Variants in CDKN2B-AS1 observed in about 807,000 individuals in gnomAD.
CDKN2B-AS1 encodes the protein CDKN2B antisense RNA 1 (non-protein coding).
intron 4 of CDKN2B-AS1, among the ~76,000 whole-genome samples, chr9:22,074,448 A>C (rs898051768): frequency 2.6e-5 from 4 of 152,232 alleles, no homozygotes; most frequent in Non-Finnish European, 5.9e-5. Context: ...AGGGGGATGT[A>C]GGGAGTACTT....
chr9:22,050,886 G>A (rs1823318255), intron 3 of CDKN2B-AS1, among the ~76,000 whole-genome samples: 1 of 152,152 alleles, frequency 6.6e-6, no homozygotes, highest in African/African-American at 2.4e-5. Context: ...AGTGCTCAAG[G>A]AAGAGTCTGA....
rs1563945119 is a variant in CDKN2B-AS1, at chr9:22,047,508, A to G, written n.179+608A>G. On this transcript the variant is annotated intron_variant and non_coding_transcript_variant, in intron 2 of 4. Transcript: ENST00000650946. ...ACTTAGCACTTGTGATGAATTAGTC[A>G]AGCAAAAATTATGAAGCGAGTAATC... 2.0e-5 allele frequency among the ~76,000 whole-genome samples: 3 copies of G among 152,182 alleles called. No individual in the cohort carries two copies. In the South Asian group the frequency reaches 6.2e-4, roughly 31 times the overall value.
intron 1 of CDKN2B-AS1, among the ~76,000 whole-genome samples, chr9:22,042,247 G>A (rs753081351): frequency 1.3e-5 from 2 of 151,956 alleles, no homozygotes; most frequent in African/African-American, 4.8e-5. Context: ...TTGTTCATAC[G>A]TTTATTAACT....
At chr9:22,012,557 G>A in intron 1 of CDKN2B-AS1, 1 of 552,688 alleles carries the variant, frequency 1.8e-6, no homozygotes, top group South Asian at 1.5e-5. Context: ...CTTCCTCGGA[G>A]GGCAGCCTCC....
At chr9:22,070,286 G>A (rs1268924797) in intron 4 of CDKN2B-AS1, among the ~76,000 whole-genome samples, 3 of 152,132 alleles carry the variant, frequency 2.0e-5, no homozygotes, top group Non-Finnish European at 4.4e-5. Flanking sequence ...TTTATTGAAT[G>A]ACTGCTGTTT....
chr9:22,041,475 T>C (rs1329361620), intron 1 of CDKN2B-AS1, among the ~76,000 whole-genome samples: 1 of 152,116 alleles, frequency 6.6e-6, no homozygotes, highest in East Asian at 1.9e-4. Context: ...ATATCATATA[T>C]GCATAATAAC....
chr9:21,997,430 G>A lies in CDKN2B-AS1; in HGVS notation n.29+2269G>A, dbSNP rs575432212. 2.7e-5 allele frequency among the ~76,000 whole-genome samples: 4 copies of A among 150,118 alleles called. No homozygotes were observed. Among genetic ancestry groups the A allele is most frequent in the Non-Finnish European group, 4.4e-5 (3 of 67,556 alleles). On this transcript the variant is annotated intron_variant and non_coding_transcript_variant, in intron 1 of 4. Coordinates refer to ENST00000650946, the Ensembl canonical transcript of CDKN2B-AS1. This position sits in a 1 kb window ranked among gnomAD's most constrained non-coding sequence, Gnocchi z 4.8. ...TGTGTGTATACAATTTTATATATACGTACATTATATGTCTACACACACATA... is the reference window on the plus strand; with the variant it reads ...TGTGTGTATACAATTTTATATATACATACATTATATGTCTACACACACATA...
At position 21,997,858 on chromosome 9, in the gene CDKN2B-AS1, C is replaced by T. The variant is rs1025088776; in HGVS notation, n.29+2697C>T. On this transcript the variant is annotated intron_variant and non_coding_transcript_variant, in intron 1 of 4. Transcript: ENST00000650946. The surrounding 1 kb of genome is among the most constrained non-coding windows in gnomAD (Gnocchi z 4.8). ...TACCAAATTAACTGTCACATTATCC[C>T]GTCATGCCTGAGGGGTTCTCTGACC... is the stretch of plus-strand genomic sequence containing the variant. Among the ~76,000 whole-genome samples the T allele has an allele frequency of 6.6e-6, 1 of 152,054 alleles. No homozygotes were observed. Among genetic ancestry groups the T allele is most frequent in the South Asian group, 2.1e-4 (1 of 4,822 alleles).
rs371322460 is a variant in CDKN2B-AS1 at position 22,127,983 on chromosome 9, T to C, written n.1319T>C. ...CAACTGGTAAGCCCTGTGAGAATTA[T>C]TTAATCCTTCCATGTCTCATTCCGC... On this transcript the variant is annotated non_coding_transcript_exon_variant, in exon 5 of 5. Transcript: ENST00000650946. 7.0e-4 allele frequency among the ~76,000 whole-genome samples: 107 copies of C among 152,312 alleles called. 1 individual carries two copies. The highest frequency in any genetic ancestry group is 3.4e-3 in the Middle Eastern group (1 of 294).
intron 1 of CDKN2B-AS1, chr9:22,029,681 T>G (rs775339223): frequency 1.2e-4 from 56 of 467,302 alleles, no homozygotes; most frequent in Non-Finnish European, 2.1e-4. Flanking sequence ...AAATTTAATC[T>G]TTACATTATT....
intron 4 of CDKN2B-AS1, among the ~76,000 whole-genome samples, chr9:22,061,726 G>A (rs1823829064): frequency 1.3e-5 from 2 of 152,082 alleles, no homozygotes; most frequent in African/African-American, 4.8e-5. Context: ...AAGGTGTGTG[G>A]TAATGGTTAA....
intron 1 of CDKN2B-AS1, among the ~76,000 whole-genome samples, chr9:22,025,850 G>A (rs1334770027): frequency 6.6e-6 from 1 of 152,188 alleles, no homozygotes; most frequent in Admixed American, 6.5e-5. Context: ...CATTTTCATA[G>A]AGGAGTTGTG....
At chr9:22,068,336 A>C (rs1002245220) in intron 4 of CDKN2B-AS1, among the ~76,000 whole-genome samples, 6 of 152,210 alleles carry the variant, frequency 3.9e-5, no homozygotes, top group Admixed American at 6.5e-5. Context: ...GTGTTAGGGA[A>C]GGAAAGCTCA....
chr9:22,034,949 G>A (rs773435087), intron 1 of CDKN2B-AS1, among the ~76,000 whole-genome samples: 19 of 152,144 alleles, frequency 1.2e-4, no homozygotes, highest in Non-Finnish European at 1.2e-4. Flanking sequence ...TTCTAGTTGG[G>A]TAGTTTTAGG....
At chr9:22,065,174 G>A (rs191521089) in intron 4 of CDKN2B-AS1, among the ~76,000 whole-genome samples, 94 of 152,256 alleles carry the variant, frequency 6.2e-4, no homozygotes, top group Admixed American at 2.6e-3. Flanking sequence ...GAGTACCTCC[G>A]TCAGCACTTC....
At chr9:22,123,989 G>C (rs1826141876) in intron 4 of CDKN2B-AS1, among the ~76,000 whole-genome samples, 1 of 152,046 alleles carries the variant, frequency 6.6e-6, no homozygotes, top group Non-Finnish European at 1.5e-5. Flanking sequence ...AATAAATATT[G>C]TATTAGTTCT....
intron 4 of CDKN2B-AS1, among the ~76,000 whole-genome samples, chr9:22,070,729 C>G (rs774110780): frequency 6.6e-6 from 1 of 152,186 alleles, no homozygotes; most frequent in Non-Finnish European, 1.5e-5. Context: ...AGTAGTGTAA[C>G]AAATGCCTGC....
At chr9:22,061,152 A>G (rs950953303) in intron 4 of CDKN2B-AS1, among the ~76,000 whole-genome samples, 2 of 152,210 alleles carry the variant, frequency 1.3e-5, no homozygotes, top group Non-Finnish European at 2.9e-5. Flanking sequence ...CACCAAGCCA[A>G]CATTGGGGGA....
chr9:22,073,399 G>T (rs1369913666), intron 4 of CDKN2B-AS1, among the ~76,000 whole-genome samples: 1 of 152,136 alleles, frequency 6.6e-6, no homozygotes, highest in Non-Finnish European at 1.5e-5. Context: ...TGGGAAGTAT[G>T]CAAAATTAGC....
Sources: allele counts gnomAD v4.1 joint callset (sites outside exome capture counted in the v4.1 genomes callset), GRCh38; gene constraint gnomAD v4.1.1; non-coding constraint Gnocchi (gnomAD v3.1); transcripts MANE v1.5; gene names NCBI Gene and HGNC (gene_info 2026-07-23, HGNC 2026-07-21).